The following ABCA10 variants were observed in gnomAD, a reference collection of about 807,000 sequenced individuals.
The protein encoded by ABCA10 is ATP binding cassette subfamily A member 10, also known as ATP-binding cassette sub-family A member 10.
ABCA10 carries 169 observed loss-of-function variants against 187.5 expected under a neutral mutation model. The ratio of observed to expected loss-of-function variants is 0.90; its 90% CI spans 0.80 to 1.02. The LOEUF is 1.02. Among genes scored for constraint, ABCA10 ranks in the 50% least tolerant of loss-of-function variants. The pLI is 0.00. For missense variants in ABCA10, 1,727 were observed against 1,812.4 expected (o/e 0.95, Z 0.86); for synonymous variants, 574 against 601.8 (o/e 0.95, Z 0.68).
intron 27 of ABCA10, among the ~76,000 whole-genome samples, chr17:69,157,594 A>G (rs770932329): frequency 1.4e-4 from 21 of 152,208 alleles, no homozygotes; most frequent in Non-Finnish European, 2.8e-4. Context: ...ACATGGTTTA[A>G]CATGGTACCA....
chr17:69,211,829 A>C (rs750436879), intron 9 of ABCA10, among the ~76,000 whole-genome samples: 1 of 152,012 alleles, frequency 6.6e-6, no homozygotes, highest in Non-Finnish European at 1.5e-5. Context: ...CAGTTGTAAT[A>C]TCTCTCATTT....
In ABCA10 at chr17:69,174,321, C is replaced by T. The variant is rs2074317465; in HGVS notation, c.3122G>A (p.Trp1041Ter). 1 of 1,608,214 alleles carries T rather than the reference C, an allele frequency of 6.2e-7. No homozygotes were observed. The highest frequency in any genetic ancestry group is 1.1e-5 in the South Asian group (1 of 89,678). ...AGACCAAAAGCCATTATTTTTTCTC[C>T]ACTTGCGAAAGATGAATGAAAGCAC... is the stretch of plus-strand genomic sequence containing the variant. ...TYVLSFIFRK[W>*]RKNNGFWSFG... The change falls in exon 25 of 39, where the codon TGG (tryptophan) becomes TAG (stop). Residue 1041 changes from tryptophan to a stop codon, truncating the protein, a stop_gained. Coordinates refer to ENST00000690296, the MANE Select transcript of ABCA10 (RefSeq NM_001377321.1). LOFTEE classifies it high-confidence loss of function.
chr17:69,197,182 T>A (rs2144811788), intron 10 of ABCA10, 60 bp from the exon 11 acceptor site: 1 of 1,314,940 alleles, frequency 7.6e-7, no homozygotes, highest in East Asian at 2.3e-5. Context: ...TAACACAGAT[T>A]ACAGTTCATA....
intron 16 of ABCA10, 47 bp from the exon 17 acceptor site, chr17:69,191,362 C>T (rs764910411): frequency 1.4e-6 from 2 of 1,450,542 alleles, no homozygotes; most frequent in Admixed American, 4.5e-5. Flanking sequence ...TTTTCCAACA[C>T]CACCACTCAT....
intron 1 of ABCA10, among the ~76,000 whole-genome samples, chr17:69,241,633 C>A (rs942331539): frequency 6.6e-6 from 1 of 152,184 alleles, no homozygotes; most frequent in East Asian, 1.9e-4. Flanking sequence ...ACTTGCAGTA[C>A]CAACTCACCT....
intron 37 of ABCA10, chr17:69,149,355 G>T: frequency 5.0e-6 from 2 of 402,214 alleles, no homozygotes; most frequent in Non-Finnish European, 8.9e-6. Context: ...TATATGCTTT[G>T]GACTCCAAAT....
In ABCA10 at chr17:69,214,298, G is replaced by C. The variant is rs1039370595; in HGVS notation, c.1006+406C>G. ...TGGGAGGCCGAGGCGGGCGGATCAC[G>C]AGGTCAGGAGATCGAGACCATCCCG... On this transcript the variant is annotated intron_variant, in intron 9 of 38. Coordinates refer to ENST00000690296, the MANE Select transcript of ABCA10 (RefSeq NM_001377321.1). Among the ~76,000 whole-genome samples, 180 of 152,128 alleles carry C rather than the reference G, an allele frequency of 1.2e-3. 1 individual carries two copies. The highest frequency in any genetic ancestry group is 4.0e-3 in the African/African-American group (167 of 41,502).
At chr17:69,188,852 G>T (rs768715674) in intron 18 of ABCA10, among the ~76,000 whole-genome samples, 2 of 152,006 alleles carry the variant, frequency 1.3e-5, no homozygotes, top group Non-Finnish European at 2.9e-5. Context: ...CCATGTTGCT[G>T]CAAAGGACAT....
At chr17:69,229,144 T>C (rs896648978), upstream of ABCA10, among the ~76,000 whole-genome samples, 3 of 152,054 alleles carry the variant, frequency 2.0e-5, no homozygotes, top group South Asian at 2.1e-4. Flanking sequence ...TCCTATGTAC[T>C]AGAAAGTGTT....
chr17:69,219,841 T>G, intron 5 of ABCA10, 70 bp from the exon 6 acceptor site: 1 of 1,069,958 alleles, frequency 9.3e-7, no homozygotes, highest in Non-Finnish European at 1.3e-6. Context: ...TATACACTTT[T>G]TATTTTCGAT....
In ABCA10 at chr17:69,152,130, A is replaced by G. The variant is rs898177432; in HGVS notation, c.4310T>C (p.Leu1437Pro). ...GGTAGGTTCTTTCATTTTTATTTCT[A>G]GTAAATAATCTCTACCAAACTTGTT... ...LKNKFGRDYL[L>P]EIKMKEPTQV... Residue 1437 changes from leucine to proline, a missense_variant, in exon 36 of 39, where the codon CTA (leucine) becomes CCA (proline). Physicochemically the swap from Leu to Pro is moderately conservative, Grantham distance 98 (BLOSUM62 -3). Transcript: ENST00000690296. 5.0e-6 allele frequency: 8 copies of G among 1,613,756 alleles called. No individual in the cohort carries two copies. In the East Asian group the frequency reaches 1.8e-4, roughly 36 times the overall value.
At chr17:69,232,542 G>A (rs1353702031), upstream of ABCA10, among the ~76,000 whole-genome samples, 4 of 151,974 alleles carry the variant, frequency 2.6e-5, no homozygotes, top group African/African-American at 9.7e-5. Context: ...AATTTTTGAT[G>A]TCACAATTTT....
At chr17:69,186,462 C>T (rs1568060603) in intron 19 of ABCA10, among the ~76,000 whole-genome samples, 1 of 152,158 alleles carries the variant, frequency 6.6e-6, no homozygotes, top group Non-Finnish European at 1.5e-5. Flanking sequence ...TCCAAACTCT[C>T]CACCCTCCGT....
At chr17:69,182,643 C>CA (rs753070056) in intron 21 of ABCA10, 32 bp downstream of exon 21, 1,555 of 1,493,114 alleles carry the variant, frequency 1.0e-3, no homozygotes, top group South Asian at 3.5e-3. Flanking sequence ...AAAAAAAAAC[C>CA]AAAAAAAAAC....
rs931837317 is a variant in ABCA10 at position 69,148,939 on chromosome 17, A to C, written c.4534-14T>G. On this transcript the variant is annotated splice_polypyrimidine_tract_variant and intron_variant, in intron 38 of 38. Coordinates refer to ENST00000690296, the MANE Select transcript of ABCA10 (RefSeq NM_001377321.1). ...TTCTAAGAATACCTAAGTAAGAGAA[A>C]ATAAAAAAGATACAAAAATGTCAGG... 1 of 1,613,060 alleles carries C rather than the reference A, an allele frequency of 6.2e-7. No homozygotes were observed. The highest frequency in any genetic ancestry group is 8.5e-7 in the Non-Finnish European group (1 of 1,179,236).
intron 11 of ABCA10, 32 bp downstream of exon 11, chr17:69,197,032 G>A (rs548465736): frequency 3.3e-6 from 5 of 1,501,448 alleles, no homozygotes; most frequent in African/African-American, 2.8e-5. Context: ...GGGAGAGGGA[G>A]AGGGAGAGGG....
rs1216611661 is a variant in ABCA10 at position 69,193,145 on chromosome 17, CT to C, written c.1744del (p.Ser582ValfsTer23). 2.5e-6 allele frequency: 4 copies of C among 1,613,268 alleles called. No individual in the cohort carries two copies. The highest frequency in any genetic ancestry group is 3.4e-6 in the Non-Finnish European group (4 of 1,179,714). Reference sequence around the variant, plus strand: ...GTCAGCCTCATCCATGAATTGGGTACTGAAGAGGATAAGTCGGTCTACTTTA... The same window carrying C: ...GTCAGCCTCATCCATGAATTGGGTACGAAGAGGATAAGTCGGTCTACTTTA... ...EHKVDRLILF[S>X]TQFMDEADIL... On this transcript the variant is annotated frameshift_variant, in exon 15 of 39. Transcript: ENST00000690296. LOFTEE classifies it high-confidence loss of function.
At chr17:69,157,810 GA>G (rs969490220) in intron 27 of ABCA10, among the ~76,000 whole-genome samples, 26 of 143,904 alleles carry the variant, frequency 1.8e-4, no homozygotes, top group Middle Eastern at 3.5e-3. Context: ...AAGTCCACAG[GA>G]AAAAAAAAAT....
At chr17:69,196,255 G>C (rs577093704) in intron 11 of ABCA10, 1 of 164,824 alleles carries the variant, frequency 6.1e-6, no homozygotes. Flanking sequence ...CTTCCCAGAC[G>C]GGGTGGCTGC....
Sources: allele counts gnomAD v4.1 joint callset (sites outside exome capture counted in the v4.1 genomes callset), GRCh38; gene constraint gnomAD v4.1.1; transcripts MANE v1.5; gene names NCBI Gene and HGNC (gene_info 2026-07-23, HGNC 2026-07-21).